CRACR2A: variants seen among roughly 807,000 people sequenced by gnomAD.
CRACR2A encodes EF-hand calcium-binding domain-containing protein 4B.
Under a neutral mutation model 90.5 loss-of-function variants are expected in CRACR2A, and 79 were observed. The ratio of observed to expected loss-of-function variants is 0.87; its 90% CI spans 0.73 to 1.05. The LOEUF is 1.05. CRACR2A is among the 50% of genes least tolerant of loss of function. CRACR2A has a pLI of 0.00. For synonymous variants in CRACR2A, 338 were observed against 356.7 expected (o/e 0.95, Z 0.59); for missense variants, 823 against 897.2 (o/e 0.92, Z 1.06).
chr12:3,648,259 G>T, intron 11 of CRACR2A: 1 of 1,323,094 alleles, frequency 7.6e-7, no homozygotes. Flanking sequence ...GCTCGCATGA[G>T]ATCAAGTACC....
chr12:3,749,828 TGTGTGTGTGTGTG>T (rs1347996596), intron 1 of CRACR2A, among the ~76,000 whole-genome samples: 1 of 136,468 alleles, frequency 7.3e-6, no homozygotes, highest in African/African-American at 2.5e-5. Context: ...TGTGTGTGTG[TGTGTGTGTGTGTG>T]TTGTGTTGGT....
At chr12:3,691,547 T>C (rs889617837) in intron 4 of CRACR2A, among the ~76,000 whole-genome samples, 5 of 152,318 alleles carry the variant, frequency 3.3e-5, no homozygotes, top group Admixed American at 3.3e-4. Flanking sequence ...GTAGGTGACC[T>C]GACCTTTATA....
intron 13 of CRACR2A, among the ~76,000 whole-genome samples, chr12:3,641,427 A>G (rs1944568021): frequency 6.6e-6 from 1 of 151,870 alleles, no homozygotes; most frequent in African/African-American, 2.4e-5. Flanking sequence ...CCAGCTACAC[A>G]CTCCCTCCCT....
intron 2 of CRACR2A, chr12:3,729,848 T>C (rs1466827316): frequency 1.3e-5 from 2 of 152,230 alleles, no homozygotes; most frequent in Admixed American, 6.5e-5. Flanking sequence ...TGCTACTGTT[T>C]CCTTGTCTGG....
At position 3,672,020 on chromosome 12, in the gene CRACR2A, A is replaced by T. The variant is rs150216767; in HGVS notation, c.671+1426T>A. Reference sequence around the variant, plus strand: ...ATGGCTACATAAAAATATACCCTTTAATCCTTCCCTTCTCTGAGCTTTGGG... The same window carrying T: ...ATGGCTACATAAAAATATACCCTTTTATCCTTCCCTTCTCTGAGCTTTGGG... On this transcript the variant is annotated intron_variant, in intron 7 of 19. Coordinates refer to ENST00000440314, the MANE Select transcript of CRACR2A (RefSeq NM_001144958.2). Among the ~76,000 whole-genome samples the T allele has an allele frequency of 6.5e-3, 986 of 152,232 alleles. 12 individuals are homozygous for T. Among genetic ancestry groups the T allele is most frequent in the African/African-American group, 0.022 (932 of 41,534 alleles).
Position 3,651,982 on chromosome 12 carries a change from G to T in CRACR2A, c.1046+2230C>A, listed in dbSNP as rs148516679. Among the ~76,000 whole-genome samples the T allele has an allele frequency of 2.2e-3, 330 of 152,216 alleles. 3 individuals carry two copies. Among genetic ancestry groups the T allele is most frequent in the African/African-American group, 7.5e-3 (311 of 41,520 alleles). Reference sequence around the variant, plus strand: ...CCTCCCTGGACGGGACATGCTCTCCGGGCCCCAGCATGCTCACCGGCTGCA... The same window carrying T: ...CCTCCCTGGACGGGACATGCTCTCCTGGCCCCAGCATGCTCACCGGCTGCA... On this transcript the variant is annotated intron_variant, in intron 10 of 19. Coordinates refer to ENST00000440314, the MANE Select transcript of CRACR2A (RefSeq NM_001144958.2).
Position 3,627,663 on chromosome 12 carries a change from C to G in CRACR2A, c.1779G>C (p.Gln593His). The G allele has an allele frequency of 6.4e-6, 10 of 1,551,802 alleles. No individual in the cohort carries two copies. Among genetic ancestry groups the G allele is most frequent in the Non-Finnish European group, 8.7e-6 (10 of 1,147,008 alleles). ...CCGTGTCCCACAGCTGCAGGGCCAC[C>G]TGAGAGTTGTCCACATTCAACGTCT... ...RVKTLNVDNS[Q>H]VALQLWDTAG... Residue 593 changes from glutamine (Q) to histidine (H), a missense_variant, in exon 16 of 20, where the codon CAG becomes CAC. Coordinates refer to ENST00000440314, the MANE Select transcript of CRACR2A (RefSeq NM_001144958.2).
chr12:3,697,997 G>A (rs1945772408), intron 3 of CRACR2A, among the ~76,000 whole-genome samples: 1 of 152,198 alleles, frequency 6.6e-6, no homozygotes, highest in Admixed American at 6.5e-5. Context: ...GTCGGTACCT[G>A]TCTGGGCCTC....
intron 18 of CRACR2A, among the ~76,000 whole-genome samples, chr12:3,617,530 G>A (rs1867713418): frequency 6.6e-6 from 1 of 152,206 alleles, no homozygotes; most frequent in African/African-American, 2.4e-5. Flanking sequence ...AGGCCTTGGG[G>A]ACAGGTGTCA....
chr12:3,643,285 G>T (rs2137390282), intron 12 of CRACR2A, among the ~76,000 whole-genome samples: 1 of 152,292 alleles, frequency 6.6e-6, no homozygotes, highest in Admixed American at 6.5e-5. Flanking sequence ...AAGCAGGTCA[G>T]ATCTAATTTA....
rs73047248 is a variant in CRACR2A, at chr12:3,661,882, G to A, written c.672-2228C>T. ...TTCATATAAAGTTATTCATATAAAC[G>A]GCTTACTATTTATTTCTAATAACCA... is the stretch of plus-strand genomic sequence containing the variant. On this transcript the variant is annotated intron_variant, in intron 7 of 19. Coordinates refer to ENST00000440314, the MANE Select transcript of CRACR2A (RefSeq NM_001144958.2). Among the ~76,000 whole-genome samples the A allele has an allele frequency of 7.1e-3, 1,084 of 152,144 alleles. 9 individuals carry two copies. Among genetic ancestry groups the A allele is most frequent in the Middle Eastern group, 0.014 (4 of 294 alleles).
intron 7 of CRACR2A, among the ~76,000 whole-genome samples, chr12:3,660,437 C>T (rs1022915783): frequency 1.3e-4 from 20 of 152,202 alleles, no homozygotes; most frequent in Non-Finnish European, 2.6e-4. Context: ...TCCTCTCCCC[C>T]GTCAGAAAGT....
Position 3,711,714 on chromosome 12 carries a change from C to G in CRACR2A, c.-37+1523G>C, listed in dbSNP as rs241990. Among the ~76,000 whole-genome samples the G allele has an allele frequency of 2.9e-3, 440 of 152,264 alleles. 2 individuals carry two copies. Among genetic ancestry groups the G allele is most frequent in the African/African-American group, 9.8e-3 (405 of 41,538 alleles). On this transcript the variant is annotated intron_variant, in intron 3 of 19. Transcript: ENST00000440314. This position sits in a 1 kb window ranked among gnomAD's most constrained non-coding sequence, Gnocchi z 4.3. ...CAATGTAGGCTTTTTCTAGCATGTA[C>G]CTCAAAATTCTTTCAGCCTCTGTCT...
At chr12:3,737,551 C>T (rs11062782) in intron 1 of CRACR2A, among the ~76,000 whole-genome samples, 1 of 152,124 alleles carries the variant, frequency 6.6e-6, no homozygotes, top group Non-Finnish European at 1.5e-5. Context: ...TACATGGAGG[C>T]TGGTTGGGGG....
chr12:3,696,947 C>T lies in CRACR2A; in HGVS notation c.53G>A (p.Gly18Glu), dbSNP rs781275972. Reference protein sequence around the residue: ...VVSRPQRLGQGSGQGPKGSGA... With the variant: ...VVSRPQRLGQESGQGPKGSGA... ...ACTCCCCTTTGGCCCCTGGCCAGACCCCTGACCAAGTCTCTGGGGTCTGGA... is the reference window on the plus strand; with the variant it reads ...ACTCCCCTTTGGCCCCTGGCCAGACTCCTGACCAAGTCTCTGGGGTCTGGA... Residue 18 changes from glycine to glutamate, a missense_variant, in exon 4 of 20, where the codon GGG becomes GAG. Gly to Glu is a moderately conservative substitution (Grantham distance 98). Transcript: ENST00000440314. 6.2e-7 allele frequency: 1 copy of T among 1,614,122 alleles called. No individual in the cohort carries two copies. Among genetic ancestry groups the T allele is most frequent in the South Asian group, 1.1e-5 (1 of 91,068 alleles).
chr12:3,640,905 G>C (rs921425083), intron 13 of CRACR2A: 1 of 1,051,282 alleles, frequency 9.5e-7, no homozygotes, highest in African/African-American at 1.7e-5. Flanking sequence ...AACAAAATGT[G>C]TTATGTTTGA....
At chr12:3,693,161 C>T (rs242008) in intron 4 of CRACR2A, among the ~76,000 whole-genome samples, 122,361 of 152,174 alleles carry the variant, frequency 0.8, 49,590 homozygotes, top group Middle Eastern at 0.88. Flanking sequence ...AATGCGGGGG[C>T]TGCCGTGGGC....
intron 1 of CRACR2A, among the ~76,000 whole-genome samples, chr12:3,742,318 C>T (rs1412305326): frequency 1.3e-5 from 2 of 152,176 alleles, no homozygotes; most frequent in African/African-American, 4.8e-5. Context: ...GTCCCATCTT[C>T]TTCCACTCTA....
chr12:3,741,653 C>T (rs1440416569), intron 1 of CRACR2A, among the ~76,000 whole-genome samples: 2 of 152,178 alleles, frequency 1.3e-5, no homozygotes, highest in Admixed American at 6.5e-5. Flanking sequence ...CTCCCTCACA[C>T]CCAATGCTGC....
Sources: gnomAD v4.1 joint callset for allele counts (sites outside exome capture counted in the v4.1 genomes callset) on GRCh38, gnomAD v4.1.1 for gene constraint, Gnocchi (gnomAD v3.1) non-coding constraint, MANE v1.5 for transcripts, NCBI Gene and HGNC (gene_info 2026-07-23, HGNC 2026-07-21) for gene names.